Variants in HS3ST4 observed in about 807,000 individuals in gnomAD.
The protein encoded by HS3ST4 is heparan sulfate-glucosamine 3-sulfotransferase 4.
HS3ST4 carries 17 observed loss-of-function variants against 29.2 expected under a neutral mutation model. The ratio of observed to expected loss-of-function variants is 0.58; its 90% CI spans 0.40 to 0.87. The LOEUF is 0.87. Among genes scored for constraint, HS3ST4 ranks in the 40% least tolerant of loss-of-function variants. HS3ST4 has a pLI of 0.00. For synonymous variants in HS3ST4, 314 were observed against 285.7 expected, an observed-to-expected ratio of 1.10 and a Z score of -1.00; for missense variants, 627 against 634.5, an observed-to-expected ratio of 0.99 and a Z score of 0.13.
intron 1 of HS3ST4, among the ~76,000 whole-genome samples, chr16:25,811,675 C>A (rs758783818): frequency 9.2e-5 from 14 of 152,082 alleles, no homozygotes; most frequent in Non-Finnish European, 1.9e-4. Flanking sequence ...TCAGGTGATA[C>A]CCCCGCCTCG....
intron 1 of HS3ST4, among the ~76,000 whole-genome samples, chr16:25,870,826 G>T (rs1038428898): frequency 6.6e-6 from 1 of 152,158 alleles, no homozygotes; most frequent in Admixed American, 6.6e-5. Context: ...GATGGTAGTG[G>T]TGTAGGTGGG....
At chr16:25,869,682 G>A (rs1449133899) in intron 1 of HS3ST4, among the ~76,000 whole-genome samples, 1 of 152,120 alleles carries the variant, frequency 6.6e-6, no homozygotes, top group Non-Finnish European at 1.5e-5. Flanking sequence ...TCCAAGCCTA[G>A]TATCAATTCA....
intron 1 of HS3ST4, among the ~76,000 whole-genome samples, chr16:26,054,195 C>T (rs1366745094): frequency 6.6e-6 from 1 of 151,336 alleles, no homozygotes; most frequent in Non-Finnish European, 1.5e-5. Flanking sequence ...AACACAACAC[C>T]ATACCTGACT....
chr16:25,956,725 G>A (rs903956012), intron 1 of HS3ST4, among the ~76,000 whole-genome samples: 17 of 151,964 alleles, frequency 1.1e-4, no homozygotes, highest in Non-Finnish European at 1.6e-4. Flanking sequence ...TTGGCTGGGC[G>A]TGGTGGCTCA....
intron 1 of HS3ST4, among the ~76,000 whole-genome samples, chr16:25,804,655 T>C (rs1966972649): frequency 6.6e-6 from 1 of 152,096 alleles, no homozygotes; most frequent in Admixed American, 6.6e-5. Context: ...TTCCTAGGCC[T>C]CTTGTGGTGA....
chr16:25,735,247 A>T (rs1382048990), intron 1 of HS3ST4, among the ~76,000 whole-genome samples: 1 of 152,136 alleles, frequency 6.6e-6, no homozygotes, highest in Non-Finnish European at 1.5e-5. Flanking sequence ...GCAATAATTT[A>T]TATGTTCAGC....
At chr16:25,914,913 A>G (rs2141680038) in intron 1 of HS3ST4, among the ~76,000 whole-genome samples, 1 of 152,064 alleles carries the variant, frequency 6.6e-6, no homozygotes. Flanking sequence ...TTTTTAAAAG[A>G]TACAATTAAA....
intron 1 of HS3ST4, chr16:26,062,867 A>G (rs878910323): frequency 1.1e-5 from 3 of 272,852 alleles, no homozygotes; most frequent in South Asian, 4.6e-5. Flanking sequence ...AACTTTCACT[A>G]CATATTCTGG....
Position 25,923,009 on chromosome 16 carries a change from A to G in HS3ST4, c.735-212603A>G, listed in dbSNP as rs186740346. Among the ~76,000 whole-genome samples the G allele has an allele frequency of 1.9e-3, 291 of 152,348 alleles. 2 individuals are homozygous for G. The highest frequency in any genetic ancestry group is 3.2e-3 in the Non-Finnish European group (216 of 68,034). The stretch of plus-strand genomic sequence containing the variant: ...CTAGAACATAATATAAATTTCTCTG[A>G]TGAAAACACAGTTGTTTGATGAGCA... On this transcript the variant is annotated intron_variant, in intron 1 of 1. Transcript: ENST00000331351.
chr16:26,069,359 G>C (rs1898576993), intron 1 of HS3ST4, among the ~76,000 whole-genome samples: 1 of 152,156 alleles, frequency 6.6e-6, no homozygotes, highest in African/African-American at 2.4e-5. Context: ...GTGAACAGAA[G>C]GTGGTGGAAG....
intron 1 of HS3ST4, among the ~76,000 whole-genome samples, chr16:25,998,433 G>A (rs576064864): frequency 6.6e-6 from 1 of 152,264 alleles, no homozygotes; most frequent in South Asian, 2.1e-4. Context: ...ATCACACTTT[G>A]GAGTCATATT....
intron 1 of HS3ST4, among the ~76,000 whole-genome samples, chr16:26,031,335 A>T (rs2141753441): frequency 6.6e-6 from 1 of 152,326 alleles, no homozygotes; most frequent in African/African-American, 2.4e-5. Flanking sequence ...ATGTGGCACC[A>T]GGGATGGTCC....
At chr16:26,058,022 T>C (rs529618904) in intron 1 of HS3ST4, among the ~76,000 whole-genome samples, 1 of 151,872 alleles carries the variant, frequency 6.6e-6, no homozygotes, top group South Asian at 2.1e-4. Flanking sequence ...AGAAGTCCTC[T>C]CTGAGATTTA....
At chr16:26,001,124 T>A (rs1190387031) in intron 1 of HS3ST4, among the ~76,000 whole-genome samples, 2 of 152,192 alleles carry the variant, frequency 1.3e-5, no homozygotes, top group Non-Finnish European at 2.9e-5. Context: ...GACAAATTTA[T>A]GTCATATTTT....
intron 1 of HS3ST4, among the ~76,000 whole-genome samples, chr16:25,849,366 TTTTGA>T (rs1967496089): frequency 6.6e-6 from 1 of 152,246 alleles, no homozygotes; most frequent in African/African-American, 2.4e-5. Context: ...AAAATCCTTC[TTTTGA>T]TTGGTGAATC....
At chr16:26,015,726 C>T (rs956991414) in intron 1 of HS3ST4, among the ~76,000 whole-genome samples, 1 of 152,192 alleles carries the variant, frequency 6.6e-6, no homozygotes, top group African/African-American at 2.4e-5. Flanking sequence ...AAATTCCTAT[C>T]ATTCAGGAAA....
rs199663121 is a variant in HS3ST4 at position 25,839,904 on chromosome 16, GA to G, written c.734+146759del. Among the ~76,000 whole-genome samples the G allele has an allele frequency of 9.9e-3, 1,513 of 152,228 alleles. 26 individuals carry two copies. The highest frequency in any genetic ancestry group is 0.034 in the African/African-American group (1,401 of 41,542). ...TTAAGGCAGGTCCAATCCCTTTGCT[GA>G]AAAAAGGTTAACACTCCTGGTCAAA... On this transcript the variant is annotated intron_variant, in intron 1 of 1. Coordinates refer to ENST00000331351, the MANE Select transcript of HS3ST4 (RefSeq NM_006040.3).
intron 1 of HS3ST4, among the ~76,000 whole-genome samples, chr16:25,953,301 G>A (rs981322285): frequency 2.6e-5 from 4 of 152,268 alleles, no homozygotes; most frequent in African/African-American, 4.8e-5. Flanking sequence ...ACAACTGCTC[G>A]TAAGTCCTCA....
chr16:25,811,499 T>C (rs1445599140), intron 1 of HS3ST4, among the ~76,000 whole-genome samples: 1 of 147,934 alleles, frequency 6.8e-6, no homozygotes, highest in Non-Finnish European at 1.5e-5. Flanking sequence ...AATGTCACGA[T>C]CTCGGCCCAC....
Sources: allele counts gnomAD v4.1 joint callset (sites outside exome capture counted in the v4.1 genomes callset), GRCh38; gene constraint gnomAD v4.1.1; transcripts MANE v1.5; gene names NCBI Gene and HGNC (gene_info 2026-07-23, HGNC 2026-07-21).